The following PZP variants were observed in gnomAD, a reference collection of about 807,000 sequenced individuals.
PZP encodes the protein PZP alpha-2-macroglobulin like, also known as pregnancy zone protein.
PZP carries 150 observed loss-of-function variants against 179.8 expected under a neutral mutation model. The ratio of observed to expected loss-of-function variants is 0.83; its 90% CI spans 0.73 to 0.96. PZP has a LOEUF of 0.96. Among genes scored for constraint, PZP ranks in the 40% least tolerant of loss-of-function variants. The pLI, the probability that PZP is intolerant of heterozygous loss-of-function variation, is 0.00. For missense variants in PZP, 1,689 were observed against 1,764.0 expected (o/e 0.96, Z 0.76); for synonymous variants, 624 against 652.3 (o/e 0.96, Z 0.66).
rs761118567 is a variant in PZP at position 9,153,325 on chromosome 12, GGA to G, written c.3791_3792del (p.Leu1264ProfsTer15). 9 of 1,613,368 alleles carry G rather than the reference GGA, an allele frequency of 5.6e-6. No individual in the cohort carries two copies. Among genetic ancestry groups the G allele is most frequent in the African/African-American group, 1.3e-5 (1 of 74,928 alleles). ...GCTGCTCCATACCTGGACAGGGCAT[GGA>G]GAGCCACCACTGTGTCCTGGAAGAG... is the stretch of plus-strand genomic sequence containing the variant. ...FSSTQDTVVA[L>X]HALSRYGAAT... On this transcript the variant is annotated frameshift_variant, in exon 30 of 36. Coordinates refer to ENST00000261336, the MANE Select transcript of PZP (RefSeq NM_002864.3). LOFTEE classifies it high-confidence loss of function.
In PZP at chr12:9,201,037, T is replaced by C. The variant is rs1256305706; in HGVS notation, c.525A>G (p.Ala175=). ...CTTCTAGCTTGAGACTCTGCCATTG[T>C]GCAATTCGATTTCTTCTTGGGTTCT... is the stretch of plus-strand genomic sequence containing the variant. ...YLENPRRNRI[A]QWQSLKLEAG... is the part of the protein sequence containing the mutation. The change falls in exon 6 of 36, where the codon GCA becomes GCG. Residue 175 remains alanine (A), a synonymous_variant. Coordinates refer to ENST00000261336, the MANE Select transcript of PZP (RefSeq NM_002864.3). The C allele has an allele frequency of 4.3e-6, 7 of 1,614,072 alleles. No homozygotes were observed. Among genetic ancestry groups the C allele is most frequent in the Non-Finnish European group, 5.9e-6 (7 of 1,179,964 alleles).
At chr12:9,199,032 G>T (rs988494978) in intron 7 of PZP, among the ~76,000 whole-genome samples, 2 of 152,138 alleles carry the variant, frequency 1.3e-5, no homozygotes, top group African/African-American at 4.8e-5. Flanking sequence ...TAATCACAGA[G>T]GGCAACAGTG....
the PZP span, among the ~76,000 whole-genome samples, chr12:9,136,735 C>T: frequency 2.0e-5 from 3 of 152,038 alleles, no homozygotes; most frequent in South Asian, 2.1e-4. Flanking sequence ...ATGTGTGAAG[C>T]GATATCTCAT....
intron 4 of PZP, 22 bp from the exon 5 acceptor site, chr12:9,201,369 G>T (rs950526694): frequency 5.2e-6 from 8 of 1,547,594 alleles, no homozygotes; most frequent in African/African-American, 2.8e-5. Context: ...AAGGAAAGAA[G>T]AGATGTGATT....
the PZP span, among the ~76,000 whole-genome samples, chr12:9,139,477 T>C: frequency 1.3e-5 from 2 of 152,190 alleles, no homozygotes; most frequent in East Asian, 1.9e-4. Context: ...GCTGTTTTCT[T>C]ATGGATACAG....
At position 9,200,948 on chromosome 12, in the gene PZP, A is replaced by G. The variant is rs1284450723; in HGVS notation, c.614T>C (p.Val205Ala). Residue 205 changes from valine (V) to alanine (A), a missense_variant, in exon 6 of 36, where the codon GTG (valine) becomes GCG (alanine). Val to Ala is a moderately conservative substitution (Grantham distance 64, BLOSUM62 0). Coordinates refer to ENST00000261336, the MANE Select transcript of PZP (RefSeq NM_002864.3). ...CCTTCCACCTGATTCTGTCTGTACC[A>G]CCACCCTGTAGGAGCCCTGAATGGG... is the stretch of plus-strand genomic sequence containing the variant. ...SEPIQGSYRV[V>A]VQTESGGRIQ... 3 of 1,614,044 alleles carry G rather than the reference A, an allele frequency of 1.9e-6. No individual in the cohort carries two copies. The highest frequency in any genetic ancestry group is 2.5e-6 in the Non-Finnish European group (3 of 1,179,946).
downstream of PZP, among the ~76,000 whole-genome samples, chr12:9,145,280 ATTGT>A (rs1457522171): frequency 1.3e-5 from 2 of 151,272 alleles, no homozygotes; most frequent in Non-Finnish European, 3.0e-5. Context: ...CTTGTGTTTT[ATTGT>A]TTTTTTGTGT....
At chr12:9,141,049 GACA>G in the PZP span, among the ~76,000 whole-genome samples, 1 of 152,020 alleles carries the variant, frequency 6.6e-6, no homozygotes, top group African/African-American at 2.4e-5. Flanking sequence ...CCAAAAACAA[GACA>G]ACAATTGTTT....
At chr12:9,195,542 C>G (rs930668076) in intron 10 of PZP, among the ~76,000 whole-genome samples, 1 of 150,980 alleles carries the variant, frequency 6.6e-6, no homozygotes, top group African/African-American at 2.4e-5. Context: ...GTTCTGGGCT[C>G]GAGGGATCCT....
Position 9,164,132 on chromosome 12 carries a change from C to T in PZP, c.2614+1G>A. On this transcript the variant is annotated splice_donor_variant, in intron 20 of 35. Coordinates refer to ENST00000261336, the MANE Select transcript of PZP (RefSeq NM_002864.3). LOFTEE classifies it high-confidence loss of function. ...AGGCCCTTTTGGGTACTGTCACTCA[C>T]CCAGAGTTTTAGGAGTCACTGTCCA... is the stretch of plus-strand genomic sequence containing the variant. 1.2e-6 allele frequency: 2 copies of T among 1,610,682 alleles called. No homozygotes were observed. Among genetic ancestry groups the T allele is most frequent in the Non-Finnish European group, 1.7e-6 (2 of 1,177,154 alleles).
At chr12:9,140,272 G>C in the PZP span, among the ~76,000 whole-genome samples, 1 of 152,178 alleles carries the variant, frequency 6.6e-6, no homozygotes. Flanking sequence ...GTAGGGGGGG[G>C]CCCAGGAATG....
chr12:9,141,513 G>A, the PZP span, among the ~76,000 whole-genome samples: 2 of 152,130 alleles, frequency 1.3e-5, no homozygotes, highest in Non-Finnish European at 2.9e-5. Flanking sequence ...TTATTTTAAT[G>A]TCAGTTTACA....
downstream of PZP, among the ~76,000 whole-genome samples, chr12:9,144,055 A>G (rs1357323248): frequency 6.6e-6 from 1 of 152,230 alleles, no homozygotes; most frequent in Non-Finnish European, 1.5e-5. Context: ...CCCGGGTACC[A>G]TGAGAAAGTC....
At position 9,192,257 on chromosome 12, in the gene PZP, C is replaced by A. The variant is rs1448766109; in HGVS notation, c.1483-1G>T. 8.1e-6 allele frequency: 13 copies of A among 1,613,732 alleles called. No homozygotes were observed. Among genetic ancestry groups the A allele is most frequent in the Non-Finnish European group, 1.1e-5 (13 of 1,179,828 alleles). ...TGACGATGACTCCCTTAGCCATGAT[C>A]TGAAATGAAAAAACAGTGAAGGAAA... On this transcript the variant is annotated splice_acceptor_variant, in intron 12 of 35. Transcript: ENST00000261336. LOFTEE classifies it high-confidence loss of function.
intron 1 of PZP, among the ~76,000 whole-genome samples, chr12:9,204,624 C>G (rs1320433502): frequency 6.6e-6 from 1 of 152,110 alleles, no homozygotes; most frequent in Non-Finnish European, 1.5e-5. Context: ...TTTACATGCA[C>G]AACTCCCTGC....
chr12:9,194,122 A>G lies in PZP; in HGVS notation c.1209T>C (p.Phe403=), dbSNP rs1322188690. The G allele has an allele frequency of 6.2e-7, 1 of 1,614,038 alleles. No homozygotes were observed. The highest frequency in any genetic ancestry group is 1.1e-5 in the South Asian group (1 of 91,048). The change falls in exon 11 of 36, where the codon TTT becomes TTC. Residue 403 remains phenylalanine (F), a synonymous_variant. Transcript: ENST00000261336. ...CCGAGATACTGGTAGTATTGATTGA[A>G]AACTGTGCAAGACCCTGCTCATTGG... ...ATTNEQGLAQ[F]SINTTSISVN...
the PZP span, among the ~76,000 whole-genome samples, chr12:9,137,286 A>G: frequency 6.6e-6 from 1 of 152,114 alleles, no homozygotes; most frequent in African/African-American, 2.4e-5. Flanking sequence ...TGAAGGGACT[A>G]TCCATTCCCC....
intron 1 of PZP, among the ~76,000 whole-genome samples, chr12:9,204,637 C>T (rs764969663): frequency 6.6e-6 from 1 of 152,188 alleles, no homozygotes; most frequent in Non-Finnish European, 1.5e-5. Context: ...CTCCCTGCTA[C>T]ACACACACTA....
At chr12:9,184,711 A>C (rs915458830) in intron 13 of PZP, among the ~76,000 whole-genome samples, 5 of 152,220 alleles carry the variant, frequency 3.3e-5, no homozygotes, top group Non-Finnish European at 7.3e-5. Flanking sequence ...CCTTCAGTGC[A>C]ACATGTTCTT....
Sources: allele counts gnomAD v4.1 joint callset (sites outside exome capture counted in the v4.1 genomes callset), GRCh38; gene constraint gnomAD v4.1.1; transcripts MANE v1.5; gene names NCBI Gene and HGNC (gene_info 2026-07-23, HGNC 2026-07-21).